Variants in CELF2 observed in about 807,000 individuals in gnomAD.
The protein encoded by CELF2 is CUG triplet repeat RNA-binding protein 2.
CELF2 carries 8 observed loss-of-function variants against 62.6 expected under a neutral mutation model. That is an observed-to-expected ratio of 0.13 (90% CI 0.07 to 0.23). The LOEUF (loss-of-function observed/expected upper bound fraction) is 0.23, where lower values mean the gene tolerates loss of function less well. Ranked by LOEUF, CELF2 falls within the 10% of genes least tolerant of loss-of-function variation. The pLI is 1.00. For synonymous variants in CELF2, 258 were observed against 250.0 expected (o/e 1.03, Z -0.30); for missense variants, 333 against 671.0 (o/e 0.50, Z 5.56).
chr10:10,554,383 C>T, the CELF2 span, among the ~76,000 whole-genome samples: 4 of 152,190 alleles, frequency 2.6e-5, no homozygotes, highest in Non-Finnish European at 5.9e-5. Context: ...GCACTCTGAT[C>T]TGATTGTGTC....
At chr10:10,969,327 T>C (rs1006152413) in intron 2 of CELF2, among the ~76,000 whole-genome samples, 4 of 152,148 alleles carry the variant, frequency 2.6e-5, no homozygotes, top group Admixed American at 2.0e-4. Context: ...AGTCACAGGT[T>C]GGGGGTAGGC....
the CELF2 span, among the ~76,000 whole-genome samples, chr10:10,673,384 C>A: frequency 6.6e-6 from 1 of 152,058 alleles, no homozygotes; most frequent in African/African-American, 2.4e-5. Context: ...AAGTAATAAA[C>A]CCTTTTTCAT....
At chr10:10,743,480 A>G in the CELF2 span, among the ~76,000 whole-genome samples, 5 of 152,256 alleles carry the variant, frequency 3.3e-5, no homozygotes, top group Non-Finnish European at 5.9e-5. Flanking sequence ...GAATTGAGCC[A>G]TGATCACCCC....
chr10:10,969,727 A>T (rs968060155), intron 2 of CELF2, among the ~76,000 whole-genome samples: 4 of 152,194 alleles, frequency 2.6e-5, no homozygotes, highest in Admixed American at 2.6e-4. Flanking sequence ...AAAAGAATAG[A>T]TCTAAAGTCA....
At chr10:10,605,031 T>C in the CELF2 span, among the ~76,000 whole-genome samples, 1 of 152,118 alleles carries the variant, frequency 6.6e-6, no homozygotes, top group Non-Finnish European at 1.5e-5. Flanking sequence ...CAAATGCCCA[T>C]CAACGATAGA....
chr10:10,945,774 C>A (rs1464396636), intron 2 of CELF2, among the ~76,000 whole-genome samples: 2 of 152,112 alleles, frequency 1.3e-5, no homozygotes, highest in African/African-American at 4.8e-5. Flanking sequence ...GAGTCAACAG[C>A]GAGGGCCCCT....
intron 1 of CELF2, among the ~76,000 whole-genome samples, chr10:11,061,709 G>C (rs1008203067): frequency 6.6e-6 from 1 of 152,194 alleles, no homozygotes; most frequent in African/African-American, 2.4e-5. Context: ...AAATCCTTGG[G>C]CCCTTAAGAA....
At chr10:10,548,831 C>A in the CELF2 span, among the ~76,000 whole-genome samples, 2 of 152,122 alleles carry the variant, frequency 1.3e-5, no homozygotes, top group Admixed American at 6.5e-5. Context: ...ATTGGTAGAG[C>A]AATACATAGC....
intron 2 of CELF2, among the ~76,000 whole-genome samples, chr10:11,202,925 C>G (rs921841366): frequency 1.2e-5 from 1 of 83,724 alleles, no homozygotes; most frequent in Non-Finnish European, 2.7e-5. Context: ...CTCTCTCTCT[C>G]TCTCTCTCTC....
chr10:10,685,828 T>C, the CELF2 span, among the ~76,000 whole-genome samples: 1 of 152,186 alleles, frequency 6.6e-6, no homozygotes, highest in Non-Finnish European at 1.5e-5. Context: ...AGACTGTTAG[T>C]CGGGGGAAGC....
chr10:10,550,701 CT>C, the CELF2 span, among the ~76,000 whole-genome samples: 1,103 of 142,192 alleles, frequency 7.8e-3, 6 homozygotes, highest in Middle Eastern at 0.015. Flanking sequence ...CATGTGATGT[CT>C]TTTTTTTTTT....
At chr10:10,847,442 G>A (rs2059087246) in intron 1 of CELF2, among the ~76,000 whole-genome samples, 1 of 152,108 alleles carries the variant, frequency 6.6e-6, no homozygotes, top group African/African-American at 2.4e-5. Flanking sequence ...AAGTCTGGGT[G>A]GCTCCTGTGC....
intron 2 of CELF2, among the ~76,000 whole-genome samples, chr10:10,921,859 G>A (rs2064954097): frequency 6.6e-6 from 1 of 152,194 alleles, no homozygotes; most frequent in African/African-American, 2.4e-5. Flanking sequence ...CCTGGCTCGT[G>A]CCTTAGTTTT....
Position 11,280,294 on chromosome 10 carries a change from G to C in CELF2, c.841+5174G>C, listed in dbSNP as rs12267309. On this transcript the variant is annotated intron_variant, in intron 8 of 12. Coordinates refer to ENST00000633077, the MANE Select transcript of CELF2 (RefSeq NM_001326342.2). This position sits in a 1 kb window ranked among gnomAD's most constrained non-coding sequence, Gnocchi z 7.6. ...AGGAGAGGCCCCGCGCCCCATCCAG[G>C]AGCAGGCCTGCGCCTGACACCTGTG... 0.016 allele frequency among the ~76,000 whole-genome samples: 2,506 copies of C among 152,300 alleles called. 71 individuals are homozygous for C. The highest frequency in any genetic ancestry group is 0.057 in the African/African-American group (2,376 of 41,548).
rs1410103284 is a variant in CELF2 at position 11,328,993 on chromosome 10, C to T, written c.1506C>T (p.Ile502=). The change falls in exon 13 of 13, where the codon ATC becomes ATT. Residue 502 remains isoleucine, a synonymous_variant. Transcript: ENST00000633077. The surrounding 1 kb of genome is among the most constrained non-coding windows in gnomAD (Gnocchi z 6.4). The part of the protein sequence containing the change: ...AAIQAMNGFQ[I]GMKRLKVQLK... ...TCCAAGCTATGAATGGCTTTCAGAT[C>T]GGCATGAAACGCTTGAAGGTGCAGC... 6.8e-6 allele frequency: 11 copies of T among 1,613,620 alleles called. No individual in the cohort carries two copies. Among genetic ancestry groups the T allele is most frequent in the South Asian group, 1.1e-5 (1 of 91,028 alleles).
chr10:10,924,967 C>G (rs550819365), intron 2 of CELF2: 8 of 152,110 alleles, frequency 5.3e-5, no homozygotes, highest in African/African-American at 1.7e-4. Context: ...AAATTTGAAC[C>G]GAACAGATTC....
In CELF2 at chr10:10,997,177, T is replaced by C. The variant is rs1344566419; in HGVS notation, c.89+77178T>C. Among the ~76,000 whole-genome samples, 1 of 152,204 alleles carries C rather than the reference T, an allele frequency of 6.6e-6. No individual in the cohort carries two copies. Among genetic ancestry groups the C allele is most frequent in the East Asian group, 1.9e-4 (1 of 5,194 alleles). ...GGGCCGTTTTTAATCTGCCAGGCCCTTGTGTTTCCTCATTTGTGTCATGTG... is the reference window on the plus strand; with the variant it reads ...GGGCCGTTTTTAATCTGCCAGGCCCCTGTGTTTCCTCATTTGTGTCATGTG... On this transcript the variant is annotated intron_variant, in intron 2 of 13. Transcript: ENST00000636488. The surrounding 1 kb of genome is among the most constrained non-coding windows in gnomAD (Gnocchi z 5.3).
chr10:11,187,757 A>T (rs2075335395), intron 2 of CELF2, among the ~76,000 whole-genome samples: 1 of 150,988 alleles, frequency 6.6e-6, no homozygotes, highest in Admixed American at 6.6e-5. Context: ...ATCTACTTCC[A>T]TTTCTCCCTT....
the CELF2 span, among the ~76,000 whole-genome samples, chr10:10,556,367 A>C: frequency 6.6e-6 from 1 of 152,034 alleles, no homozygotes; most frequent in African/African-American, 2.4e-5. Context: ...TGAACTCATC[A>C]TTTTTTATGG....
Sources: allele counts gnomAD v4.1 joint callset (sites outside exome capture counted in the v4.1 genomes callset), GRCh38; gene constraint gnomAD v4.1.1; non-coding constraint Gnocchi (gnomAD v3.1); transcripts MANE v1.5; gene names NCBI Gene and HGNC (gene_info 2026-07-23, HGNC 2026-07-21).